ANO10: variants seen among roughly 807,000 people sequenced by gnomAD.
ANO10 encodes anoctamin-10.
ANO10 carries 77 observed loss-of-function variants against 74.7 expected under a neutral mutation model. The ratio of observed to expected loss-of-function variants is 1.03; its 90% CI spans 0.86 to 1.25. The LOEUF (loss-of-function observed/expected upper bound fraction) is 1.25, where lower values mean the gene tolerates loss of function less well. Among genes scored for constraint, ANO10 ranks in the 50% most tolerant of loss-of-function variants. ANO10 has a pLI of 0.00. For synonymous variants in ANO10, 279 were observed against 284.9 expected (o/e 0.98, Z 0.21); for missense variants, 721 against 778.1 (o/e 0.93, Z 0.87).
intron 11 of ANO10, among the ~76,000 whole-genome samples, chr3:43,462,397 T>A (rs1002740442): frequency 2.6e-5 from 4 of 151,964 alleles, no homozygotes; most frequent in Non-Finnish European, 5.9e-5. Flanking sequence ...ACCTGGCTAA[T>A]TTTTTGTATT....
rs747871734 is a variant in ANO10 at position 43,600,431 on chromosome 3, A to G, written c.290T>C (p.Met97Thr). 8 of 1,614,018 alleles carry G rather than the reference A, an allele frequency of 5.0e-6. No homozygotes were observed. In the East Asian group the frequency reaches 8.9e-5, roughly 18 times the overall value. Residue 97 changes from methionine (M) to threonine (T), a missense_variant, in exon 3 of 13, where the codon ATG becomes ACG. Physicochemically the swap from Met to Thr is moderately conservative, Grantham distance 81. Coordinates refer to ENST00000292246, the MANE Select transcript of ANO10 (RefSeq NM_018075.5). Reference protein sequence around the residue: ...GLVKECNDNTMRAFTYRTRQN... With the variant: ...GLVKECNDNTTRAFTYRTRQN... ...TCTGGTTCTGTATGTGAAGGCTCTCATGGTGTTATCATTGCACTCTTTTAC... is the reference window on the plus strand; with the variant it reads ...TCTGGTTCTGTATGTGAAGGCTCTCGTGGTGTTATCATTGCACTCTTTTAC...
At chr3:43,543,956 G>A (rs2079069062) in intron 11 of ANO10, among the ~76,000 whole-genome samples, 1 of 152,154 alleles carries the variant, frequency 6.6e-6, no homozygotes, top group Non-Finnish European at 1.5e-5. Flanking sequence ...GGTACATCTT[G>A]CCAAGTTTAG....
chr3:43,447,991 T>C (rs921455829), intron 11 of ANO10, among the ~76,000 whole-genome samples: 2 of 152,164 alleles, frequency 1.3e-5, no homozygotes, highest in African/African-American at 4.8e-5. Context: ...TTTTAGGAAG[T>C]AGGGTGCTAG....
At chr3:43,463,956 G>A (rs889475784) in intron 11 of ANO10, among the ~76,000 whole-genome samples, 4 of 152,138 alleles carry the variant, frequency 2.6e-5, no homozygotes, top group Non-Finnish European at 2.9e-5. Context: ...TGCTGTTCTC[G>A]TGATAGTGAG....
rs555639307 is a variant in ANO10, at chr3:43,658,455, ATATTATTAT to A, written c.-12+33053_-12+33061del. Among the ~76,000 whole-genome samples the A allele has an allele frequency of 1.4e-3, 216 of 150,842 alleles. 1 individual carries two copies. The highest frequency in any genetic ancestry group is 3.4e-3 in the Middle Eastern group (1 of 292). On this transcript the variant is annotated intron_variant, in intron 1 of 3. Coordinates refer to the ANO10 transcript ENST00000413397. ...TGAAAGAAGCCAGACACCAAAGTTTATATTATTATTATTATTATTATTATTATTTTTTGA... is the reference window on the plus strand; with the variant it reads ...TGAAAGAAGCCAGACACCAAAGTTTATATTATTATTATTATTATTTTTTGA...
intron 7 of ANO10, among the ~76,000 whole-genome samples, chr3:43,574,171 TC>T: frequency 6.6e-6 from 1 of 152,088 alleles, no homozygotes; most frequent in East Asian, 1.9e-4. Flanking sequence ...GCCAGGCTGG[TC>T]TCAAACTCCC....
chr3:43,406,540 C>G (rs563833855), intron 12 of ANO10, among the ~76,000 whole-genome samples: 3,660 of 152,246 alleles, frequency 0.024, 149 homozygotes, highest in African/African-American at 0.082. Flanking sequence ...TGGAGAACTG[C>G]CTTCTGTACG....
chr3:43,670,759 C>T (rs925317345), intron 1 of ANO10, among the ~76,000 whole-genome samples: 1 of 152,156 alleles, frequency 6.6e-6, no homozygotes, highest in Non-Finnish European at 1.5e-5. Context: ...GGTTACTGTT[C>T]CATACTAGAG....
intron 1 of ANO10, 70 bp from the exon 2 acceptor site, chr3:43,605,933 C>T (rs1271186365): frequency 7.9e-6 from 12 of 1,527,406 alleles, no homozygotes; most frequent in Non-Finnish European, 9.8e-6. Context: ...CTATAGACTT[C>T]ATTTTCTCCC....
At chr3:43,411,285 T>C (rs1231070428) in intron 12 of ANO10, among the ~76,000 whole-genome samples, 3 of 152,212 alleles carry the variant, frequency 2.0e-5, no homozygotes, top group Non-Finnish European at 4.4e-5. Flanking sequence ...TCTGATATCA[T>C]ACTTAATATC....
At chr3:43,524,961 C>G (rs2078124880) in intron 11 of ANO10, among the ~76,000 whole-genome samples, 1 of 152,192 alleles carries the variant, frequency 6.6e-6, no homozygotes, top group African/African-American at 2.4e-5. Flanking sequence ...TACCACCTAA[C>G]TCACTGACTC....
At chr3:43,538,306 C>A (rs192770332) in intron 11 of ANO10, among the ~76,000 whole-genome samples, 3 of 152,188 alleles carry the variant, frequency 2.0e-5, no homozygotes, top group Admixed American at 2.0e-4. Flanking sequence ...TTAAGAACAG[C>A]ATTTTAACTG....
chr3:43,684,105 C>T (rs2084241031), intron 1 of ANO10, among the ~76,000 whole-genome samples: 1 of 152,010 alleles, frequency 6.6e-6, no homozygotes, highest in Non-Finnish European at 1.5e-5. Context: ...TAAAGAGCTT[C>T]CACACAGCAA....
chr3:43,426,682 A>G (rs1293134024), intron 12 of ANO10, among the ~76,000 whole-genome samples: 2 of 152,194 alleles, frequency 1.3e-5, no homozygotes, highest in East Asian at 1.9e-4. Flanking sequence ...TCTATTTTTA[A>G]TTGGATCTTA....
At chr3:43,491,870 A>C (rs899987306) in intron 11 of ANO10, among the ~76,000 whole-genome samples, 14 of 152,314 alleles carry the variant, frequency 9.2e-5, no homozygotes, top group African/African-American at 3.4e-4. Flanking sequence ...CTATCAACAT[A>C]ATTTATTACG....
At chr3:43,568,647 G>C (rs1195290247) in intron 7 of ANO10, among the ~76,000 whole-genome samples, 39 of 149,482 alleles carry the variant, frequency 2.6e-4, no homozygotes, top group African/African-American at 9.4e-4. Context: ...CGAGAACAAA[G>C]ACACAACATA....
chr3:43,678,687 T>C (rs2084154855), intron 1 of ANO10, among the ~76,000 whole-genome samples: 1 of 152,208 alleles, frequency 6.6e-6, no homozygotes, highest in African/African-American at 2.4e-5. Flanking sequence ...AATCTTCGAA[T>C]GCCCCTGGCC....
chr3:43,392,121 G>T (rs899894120), intron 12 of ANO10, among the ~76,000 whole-genome samples: 1 of 152,018 alleles, frequency 6.6e-6, no homozygotes, highest in African/African-American at 2.4e-5. Flanking sequence ...CCTGTCTCCT[G>T]ATTATTTAAC....
At position 43,453,825 on chromosome 3, in the gene ANO10, C is replaced by T. The variant is rs147603023; in HGVS notation, c.1798-21098G>A. Among the ~76,000 whole-genome samples the T allele has an allele frequency of 2.0e-3, 303 of 152,210 alleles. 6 individuals are homozygous for T. The East Asian group carries it at 0.044, about 22-fold the overall frequency. ...TTGGTCTATAAGTCTGTCCTTATGC[C>T]GGTATTACATATTGTATCCTTCTTA... On this transcript the variant is annotated intron_variant, in intron 11 of 12. Coordinates refer to ENST00000292246, the MANE Select transcript of ANO10 (RefSeq NM_018075.5).
Sources: gnomAD v4.1 joint callset for allele counts (sites outside exome capture counted in the v4.1 genomes callset) on GRCh38, gnomAD v4.1.1 for gene constraint, MANE v1.5 for transcripts, NCBI Gene and HGNC (gene_info 2026-07-23, HGNC 2026-07-21) for gene names.